The following HYAL4 variants were observed in gnomAD, a reference collection of about 807,000 sequenced individuals.
The protein encoded by HYAL4 is hyaluronidase 4, also known as hyaluronidase-4.
Under a neutral mutation model 35.2 loss-of-function variants are expected in HYAL4, and 37 were observed. That is an observed-to-expected ratio of 1.05 (90% confidence interval 0.81 to 1.38). The LOEUF (loss-of-function observed/expected upper bound fraction) is 1.38, where lower values mean the gene tolerates loss of function less well. Ranked by LOEUF, HYAL4 falls within the 40% of genes most tolerant of loss-of-function variation. The pLI is 0.00. For missense variants in HYAL4, 572 were observed against 572.4 expected (o/e 1.00, Z 0.01); for synonymous variants, 198 against 203.2 (o/e 0.97, Z 0.22).
intron 4 of HYAL4, among the ~76,000 whole-genome samples, chr7:123,875,233 A>G (rs561979763): frequency 4.6e-5 from 7 of 152,324 alleles, no homozygotes; most frequent in African/African-American, 1.7e-4. Flanking sequence ...TTGATGATGG[A>G]CACCTTGCAT....
chr7:123,812,543 CAT>C, the HYAL4 span, among the ~76,000 whole-genome samples: 1 of 151,964 alleles, frequency 6.6e-6, no homozygotes, highest in African/African-American at 2.4e-5. Flanking sequence ...ACATGGAAAA[CAT>C]AATGAAAATC....
At chr7:123,789,479 A>G in the HYAL4 span, among the ~76,000 whole-genome samples, 1 of 152,212 alleles carries the variant, frequency 6.6e-6, no homozygotes, top group Non-Finnish European at 1.5e-5. Flanking sequence ...GCTTCAAACA[A>G]TAGTGAATAG....
intron 3 of HYAL4, among the ~76,000 whole-genome samples, chr7:123,873,683 C>A (rs1005953088): frequency 6.6e-6 from 1 of 152,080 alleles, no homozygotes. Flanking sequence ...ACTAGGAAAC[C>A]AACTACATAC....
intron 1 of HYAL4, among the ~76,000 whole-genome samples, chr7:123,829,843 T>G (rs2116904667): frequency 6.6e-6 from 1 of 152,238 alleles, no homozygotes; most frequent in South Asian, 2.1e-4. Flanking sequence ...AAAAATTTTT[T>G]TAAAGACCCA....
the HYAL4 span, among the ~76,000 whole-genome samples, chr7:123,821,271 A>G: frequency 6.6e-6 from 1 of 152,174 alleles, no homozygotes; most frequent in Admixed American, 6.5e-5. Flanking sequence ...TAACATTCCC[A>G]TCAACAGGGT....
At chr7:123,834,936 G>C (rs964214984) in intron 1 of HYAL4, among the ~76,000 whole-genome samples, 1 of 152,076 alleles carries the variant, frequency 6.6e-6, no homozygotes, top group African/African-American at 2.4e-5. Context: ...AAACCCACTT[G>C]ATCATGGTGG....
chr7:123,844,469 G>C (rs1359727554), upstream of HYAL4: 1 of 152,226 alleles, frequency 6.6e-6, no homozygotes, highest in Non-Finnish European at 1.5e-5. Context: ...GTGTCTCCCA[G>C]ATAGGCTACA....
At chr7:123,796,566 C>T in the HYAL4 span, among the ~76,000 whole-genome samples, 2 of 152,262 alleles carry the variant, frequency 1.3e-5, no homozygotes, top group East Asian at 1.9e-4. Context: ...TACCATATGA[C>T]CTAGTAGTTC....
At chr7:123,787,145 C>G in the HYAL4 span, among the ~76,000 whole-genome samples, 4 of 148,222 alleles carry the variant, frequency 2.7e-5, no homozygotes, top group Non-Finnish European at 6.0e-5. Flanking sequence ...AAAAAAAAAG[C>G]TGCATTACTT....
At chr7:123,832,584 C>T (rs1443913073) in intron 1 of HYAL4, among the ~76,000 whole-genome samples, 5 of 141,830 alleles carry the variant, frequency 3.5e-5, no homozygotes, top group Admixed American at 7.6e-5. Flanking sequence ...ACAGCAAGCT[C>T]CACCTCCCGG....
chr7:123,812,918 A>G, the HYAL4 span, among the ~76,000 whole-genome samples: 1 of 152,172 alleles, frequency 6.6e-6, no homozygotes, highest in Admixed American at 6.5e-5. Flanking sequence ...CTGGTGCTAT[A>G]ATACACACTC....
the HYAL4 span, among the ~76,000 whole-genome samples, chr7:123,787,859 C>A: frequency 6.6e-6 from 1 of 152,176 alleles, no homozygotes; most frequent in African/African-American, 2.4e-5. Flanking sequence ...GGTGAGTCAA[C>A]AGCAGGGAAA....
chr7:123,818,770 TA>T, the HYAL4 span, among the ~76,000 whole-genome samples: 1 of 152,194 alleles, frequency 6.6e-6, no homozygotes, highest in South Asian at 2.1e-4. Context: ...TAGCTTTATT[TA>T]AAAGAAATGC....
At chr7:123,812,988 ACAT>A in the HYAL4 span, among the ~76,000 whole-genome samples, 1 of 152,126 alleles carries the variant, frequency 6.6e-6, no homozygotes, top group Non-Finnish European at 1.5e-5. Flanking sequence ...ATTATCGTTC[ACAT>A]TTGTTAATTT....
At chr7:123,766,966 A>T in the HYAL4 span, among the ~76,000 whole-genome samples, 12,859 of 152,230 alleles carry the variant, frequency 0.084, 582 homozygotes, top group East Asian at 0.11. Context: ...ATAATTTATA[A>T]TCTAATTTTA....
At chr7:123,808,919 G>A in the HYAL4 span, among the ~76,000 whole-genome samples, 3 of 152,012 alleles carry the variant, frequency 2.0e-5, no homozygotes, top group African/African-American at 4.8e-5. Flanking sequence ...TCATGAGGGC[G>A]GAGCCTTCCA....
At chr7:123,790,770 T>C in the HYAL4 span, 1 of 149,362 alleles carries the variant, frequency 6.7e-6, no homozygotes, top group Non-Finnish European at 1.5e-5. Flanking sequence ...TGAATATGAG[T>C]AATTTTTTTT....
the HYAL4 span, among the ~76,000 whole-genome samples, chr7:123,779,399 C>G: frequency 6.6e-6 from 1 of 152,026 alleles, no homozygotes. Context: ...AGTGCTTGCC[C>G]TTTGGACAAA....
the HYAL4 span, among the ~76,000 whole-genome samples, chr7:123,789,499 A>G: frequency 6.5e-4 from 99 of 152,342 alleles, no homozygotes; most frequent in Non-Finnish European, 2.2e-4. Context: ...GTCATGTGTC[A>G]TTGTATTTCC....
Sources: gnomAD v4.1 joint callset for allele counts (sites outside exome capture counted in the v4.1 genomes callset) on GRCh38, gnomAD v4.1.1 for gene constraint, MANE v1.5 for transcripts, NCBI Gene and HGNC (gene_info 2026-07-23, HGNC 2026-07-21) for gene names.